The following HAVCR1 variants were observed in gnomAD, a reference collection of about 807,000 sequenced individuals.
HAVCR1 encodes hepatitis A virus cellular receptor 1.
Under a neutral mutation model 32.0 loss-of-function variants are expected in HAVCR1, and 34 were observed. That is an observed-to-expected ratio of 1.06 (90% CI 0.81 to 1.42). HAVCR1 has a LOEUF of 1.42. HAVCR1 is among the 40% of genes most tolerant of loss of function. The pLI is 0.00. For synonymous variants in HAVCR1, 178 were observed against 170.3 expected (o/e 1.05, Z -0.35); for missense variants, 420 against 442.3 (o/e 0.95, Z 0.45).
intron 1 of HAVCR1, chr5:157,058,187 G>C: frequency 2.1e-6 from 1 of 465,636 alleles, no homozygotes; most frequent in Non-Finnish European, 3.9e-6. Context: ...CACAGAAACA[G>C]CCCCTGACTT....
chr5:157,054,433 G>A (rs1023008664), intron 3 of HAVCR1, among the ~76,000 whole-genome samples: 1 of 152,086 alleles, frequency 6.6e-6, no homozygotes, highest in Non-Finnish European at 1.5e-5. Flanking sequence ...GAACCTGGGA[G>A]GCAGAGGGTT....
At chr5:157,042,777 A>G in intron 5 of HAVCR1, 95 bp from the exon 6 acceptor site, 2 of 750,438 alleles carry the variant, frequency 2.7e-6, no homozygotes, top group Non-Finnish European at 4.6e-6. Context: ...CTGGCGATGA[A>G]AAGTTGAATG....
At chr5:157,038,604 T>C (rs1016179757) in intron 6 of HAVCR1, among the ~76,000 whole-genome samples, 9 of 152,102 alleles carry the variant, frequency 5.9e-5, no homozygotes, top group Non-Finnish European at 1.3e-4. Flanking sequence ...ATGAATATAG[T>C]GGAGTAACAG....
chr5:157,049,565 G>T (rs1387079670), intron 4 of HAVCR1, among the ~76,000 whole-genome samples: 2 of 152,110 alleles, frequency 1.3e-5, no homozygotes, highest in Non-Finnish European at 2.9e-5. Context: ...AGAAAATGGG[G>T]GCTTAGGAAT....
At chr5:157,047,280 G>A (rs191231039) in intron 5 of HAVCR1, among the ~76,000 whole-genome samples, 52 of 152,192 alleles carry the variant, frequency 3.4e-4, no homozygotes, top group Admixed American at 9.2e-4. Flanking sequence ...GCCTGGGTGC[G>A]GTGGCTCACG....
chr5:157,052,514 T>C lies in HAVCR1; in HGVS notation c.520A>G (p.Thr174Ala), dbSNP rs1404796420. 8.1e-6 allele frequency: 13 copies of C among 1,601,360 alleles called. No homozygotes were observed. Among genetic ancestry groups the C allele is most frequent in the Admixed American group, 5.1e-5 (3 of 58,832 alleles). The change falls in exon 4 of 9, where the codon ACG becomes GCG. Residue 174 changes from threonine (T) to alanine (A), a missense_variant. Coordinates refer to ENST00000523175, the MANE Select transcript of HAVCR1 (RefSeq NM_001173393.3). ...TTVPTTMSIP[T>A]TTTVLTTMTV... ...ATTGTCGTCAGAACAGTCGTTGTCG[T>C]TGGAATGCTCATTGTTGTTGGAACA...
chr5:157,035,287 A>G (rs540360693), intron 7 of HAVCR1, among the ~76,000 whole-genome samples: 3 of 152,318 alleles, frequency 2.0e-5, no homozygotes, highest in South Asian at 4.1e-4. Context: ...AAGCTCCAAA[A>G]TAATTATATA....
intron 4 of HAVCR1, 46 bp from the exon 5 acceptor site, chr5:157,049,191 T>C: frequency 1.7e-6 from 2 of 1,145,882 alleles, no homozygotes; most frequent in Non-Finnish European, 2.7e-6. Flanking sequence ...TGGAGGAAAA[T>C]GTGCACCCCA....
intron 7 of HAVCR1, among the ~76,000 whole-genome samples, chr5:157,036,012 G>A (rs1198820106): frequency 6.6e-6 from 1 of 152,094 alleles, no homozygotes; most frequent in African/African-American, 2.4e-5. Context: ...AGGGGCTCTG[G>A]AACCAATCCC....
chr5:157,064,803 G>A, the HAVCR1 span, among the ~76,000 whole-genome samples: 1 of 152,166 alleles, frequency 6.6e-6, no homozygotes, highest in African/African-American at 2.4e-5. Flanking sequence ...AGGAGGCAGA[G>A]GTTGGAGTGA....
At position 157,056,585 on chromosome 5, in the gene HAVCR1, T is replaced by C. The variant is rs1756165501; in HGVS notation, c.47-1052A>G. Among the ~76,000 whole-genome samples, 4 of 151,398 alleles carry C rather than the reference T, an allele frequency of 2.6e-5. No individual in the cohort carries two copies. In the South Asian group the frequency reaches 8.4e-4, roughly 32 times the overall value. ...TTAGTAGAGACGGGGTTTCACCATG[T>C]TAGCCAGGATGGTCTCGATTTCCTG... is the stretch of plus-strand genomic sequence containing the variant. On this transcript the variant is annotated intron_variant, in intron 2 of 8. Transcript: ENST00000523175.
chr5:157,050,004 GATTCCCTTCTCTTAGA>G (rs1755645204), intron 4 of HAVCR1, among the ~76,000 whole-genome samples: 1 of 152,102 alleles, frequency 6.6e-6, no homozygotes, highest in African/African-American at 2.4e-5. Context: ...GCATTTACAT[GATTCCCTTCTCTTAGA>G]GCACCACAGA....
At chr5:157,067,236 C>T in the HAVCR1 span, among the ~76,000 whole-genome samples, 4 of 152,162 alleles carry the variant, frequency 2.6e-5, no homozygotes, top group Non-Finnish European at 5.9e-5. Flanking sequence ...CTTAATCTTC[C>T]CATGTATTTC....
chr5:157,035,325 C>T (rs1754462350), intron 7 of HAVCR1, among the ~76,000 whole-genome samples: 1 of 152,152 alleles, frequency 6.6e-6, no homozygotes, highest in East Asian at 1.9e-4. Flanking sequence ...GCCAAACATA[C>T]TCTTAATTTT....
rs764863342 is a variant in HAVCR1, at chr5:157,044,633, GAA to G, written c.782-1953_782-1952del. ...AAAGAAAGAGAAAGAAAGAAAGAAA[GAA>G]AGAAAGAAAGAAAGAAAGAAAGAAA... On this transcript the variant is annotated intron_variant, in intron 5 of 8. Transcript: ENST00000523175. Among the ~76,000 whole-genome samples the G allele has an allele frequency of 3.0e-4, 23 of 76,634 alleles. No individual in the cohort carries two copies. In the East Asian group the frequency reaches 5.5e-3, roughly 18 times the overall value. 50.3% of individuals were successfully genotyped at this position (76,634 alleles called of 152,430 possible). A position where few individuals can be genotyped will look rare whatever the true frequency, so the allele number is the denominator to read the frequency against.
intron 3 of HAVCR1, among the ~76,000 whole-genome samples, chr5:157,053,870 A>C (rs1163852046): frequency 6.6e-6 from 1 of 150,604 alleles, no homozygotes; most frequent in East Asian, 2.0e-4. Flanking sequence ...ACTCTGTCTC[A>C]AAAAAACAAA....
chr5:157,048,220 T>C (rs1297138603), intron 5 of HAVCR1, among the ~76,000 whole-genome samples: 1 of 152,208 alleles, frequency 6.6e-6, no homozygotes, highest in Non-Finnish European at 1.5e-5. Flanking sequence ...GCATAGGGTC[T>C]GGTGTTTGAG....
At chr5:157,054,317 TGGTGA>T (rs1175096448) in intron 3 of HAVCR1, among the ~76,000 whole-genome samples, 2 of 150,610 alleles carry the variant, frequency 1.3e-5, no homozygotes, top group African/African-American at 4.9e-5. Context: ...CTGGCCAACA[TGGTGA>T]AACCCCATCT....
chr5:157,032,142 T>C (rs941967158), intron 8 of HAVCR1, among the ~76,000 whole-genome samples: 1 of 152,208 alleles, frequency 6.6e-6, no homozygotes, highest in Non-Finnish European at 1.5e-5. Context: ...TTGTCTGTTA[T>C]ATTCATCTCT....
Sources: gnomAD v4.1 joint callset for allele counts (sites outside exome capture counted in the v4.1 genomes callset) on GRCh38, gnomAD v4.1.1 for gene constraint, MANE v1.5 for transcripts, NCBI Gene and HGNC (gene_info 2026-07-23, HGNC 2026-07-21) for gene names.